PRKN: variants seen among roughly 807,000 people sequenced by gnomAD.
The protein encoded by PRKN is parkin RBR E3 ubiquitin protein ligase.
Under a neutral mutation model 59.5 loss-of-function variants are expected in PRKN, and 56 were observed. That is an observed-to-expected ratio of 0.94 (90% CI 0.76 to 1.18). PRKN has a LOEUF of 1.18. Among genes scored for constraint, PRKN ranks in the 50% most tolerant of loss-of-function variants. PRKN has a pLI of 0.00. For synonymous variants in PRKN, 250 were observed against 222.1 expected (o/e 1.13, Z -1.12); for missense variants, 657 against 596.4 (o/e 1.10, Z -1.06).
In PRKN at chr6:162,049,388, A is replaced by G. The variant is rs78629378; in HGVS notation, c.618+4703T>C. ...TATTTAGCTGCATTGTGAAAATGCA[A>G]TCCAGAAAAATGGTTTTAAGAGAGA... On this transcript the variant is annotated intron_variant, in intron 5 of 11. Coordinates refer to ENST00000366898, the MANE Select transcript of PRKN (RefSeq NM_004562.3). Among the ~76,000 whole-genome samples the G allele has an allele frequency of 1.8e-3, 279 of 152,280 alleles. 1 individual carries two copies. The highest frequency in any genetic ancestry group is 6.4e-3 in the African/African-American group (264 of 41,570).
At chr6:161,902,286 C>T (rs147958693) in intron 6 of PRKN, among the ~76,000 whole-genome samples, 25 of 152,240 alleles carry the variant, frequency 1.6e-4, no homozygotes, top group African/African-American at 5.8e-4. Context: ...CGTCACCAGG[C>T]TGCAGAGGCT....
chr6:162,150,005 C>T (rs565214587), intron 4 of PRKN, among the ~76,000 whole-genome samples: 8 of 152,214 alleles, frequency 5.3e-5, no homozygotes, highest in Admixed American at 3.3e-4. Context: ...CCTCTAAATC[C>T]CCAACCTAGA....
intron 5 of PRKN, among the ~76,000 whole-genome samples, chr6:162,025,543 C>A (rs1377821536): frequency 7.3e-6 from 1 of 136,532 alleles, no homozygotes; most frequent in East Asian, 2.3e-4. Flanking sequence ...GAAACCTTGT[C>A]AGTGAATTCT....
chr6:162,505,350 A>G (rs569467309), intron 1 of PRKN, among the ~76,000 whole-genome samples: 2 of 152,330 alleles, frequency 1.3e-5, no homozygotes, highest in Admixed American at 6.5e-5. Context: ...AAGGCATGGC[A>G]TGCCCCTATT....
chr6:162,460,597 C>A (rs893973916), intron 1 of PRKN, among the ~76,000 whole-genome samples: 1 of 152,158 alleles, frequency 6.6e-6, no homozygotes, highest in East Asian at 1.9e-4. Context: ...TCTGTATACC[C>A]ATCACTTATT....
At chr6:161,991,087 T>C (rs1781628607) in intron 5 of PRKN, among the ~76,000 whole-genome samples, 1 of 151,990 alleles carries the variant, frequency 6.6e-6, no homozygotes, top group African/African-American at 2.4e-5. Context: ...CAAGAGAGAA[T>C]AGGATGATAT....
chr6:161,614,882 C>T (rs758982657), intron 7 of PRKN, among the ~76,000 whole-genome samples: 2 of 152,124 alleles, frequency 1.3e-5, no homozygotes, highest in African/African-American at 2.4e-5. Flanking sequence ...GATACTGAAG[C>T]TGACCTCCCA....
At chr6:162,070,738 A>C (rs1278932681) in intron 4 of PRKN, among the ~76,000 whole-genome samples, 1 of 152,144 alleles carries the variant, frequency 6.6e-6, no homozygotes, top group East Asian at 1.9e-4. Context: ...GATCCCCCAC[A>C]TGCACAGTTC....
At chr6:162,434,473 T>C (rs1157445405) in intron 2 of PRKN, among the ~76,000 whole-genome samples, 1 of 152,176 alleles carries the variant, frequency 6.6e-6, no homozygotes, top group Non-Finnish European at 1.5e-5. Context: ...AAATTGTTTA[T>C]GATAATTTTA....
intron 4 of PRKN, among the ~76,000 whole-genome samples, chr6:162,106,198 T>C (rs1364955723): frequency 6.6e-6 from 1 of 152,150 alleles, no homozygotes; most frequent in Non-Finnish European, 1.5e-5. Flanking sequence ...AGATTAACAA[T>C]GGGAACAGGC....
chr6:161,620,607 C>G lies in PRKN; in HGVS notation c.872-51191G>C, dbSNP rs114925423. Among the ~76,000 whole-genome samples, 731 of 152,172 alleles carry G rather than the reference C, an allele frequency of 4.8e-3. 8 individuals are homozygous for G. Among genetic ancestry groups the G allele is most frequent in the African/African-American group, 0.017 (701 of 41,502 alleles). ...TGTAGACAGGAACATCAGAGGAATC[C>G]GAATCTCCACTTTGCATCGACATTT... On this transcript the variant is annotated intron_variant, in intron 7 of 11. Coordinates refer to ENST00000366898, the MANE Select transcript of PRKN (RefSeq NM_004562.3).
intron 2 of PRKN, among the ~76,000 whole-genome samples, chr6:162,314,345 T>C (rs1257968372): frequency 6.6e-6 from 1 of 152,156 alleles, no homozygotes; most frequent in African/African-American, 2.4e-5. Flanking sequence ...GTAAAACACA[T>C]CAATTATATT....
At chr6:162,290,949 G>C (rs1001619871) in intron 2 of PRKN, among the ~76,000 whole-genome samples, 6 of 152,200 alleles carry the variant, frequency 3.9e-5, no homozygotes, top group Non-Finnish European at 8.8e-5. Context: ...CTGGTAGAAA[G>C]AGCATTCATG....
In PRKN at chr6:161,584,905, T is replaced by G. The variant is rs1289963572; in HGVS notation, c.872-15489A>C. 6.6e-6 allele frequency among the ~76,000 whole-genome samples: 1 copy of G among 152,210 alleles called. No individual in the cohort carries two copies. On this transcript the variant is annotated intron_variant, in intron 7 of 11. Coordinates refer to ENST00000366898, the MANE Select transcript of PRKN (RefSeq NM_004562.3). The surrounding 1 kb of genome is among the most constrained non-coding windows in gnomAD (Gnocchi z 4.8). ...GCACAAGCCTGGCTGCCGGGATGGC[T>G]GTATTAGCAATGCAGTGCTATTTCA...
At chr6:161,859,477 C>A (rs931733038) in intron 6 of PRKN, among the ~76,000 whole-genome samples, 1 of 151,566 alleles carries the variant, frequency 6.6e-6, no homozygotes, top group Non-Finnish European at 1.5e-5. Context: ...GTGGCGCATG[C>A]CTGTATGCCT....
At chr6:161,817,254 A>G (rs1025711512) in intron 6 of PRKN, among the ~76,000 whole-genome samples, 6 of 152,236 alleles carry the variant, frequency 3.9e-5, no homozygotes, top group African/African-American at 1.4e-4. Context: ...AACTCTGGGC[A>G]TGAATCCTGT....
intron 4 of PRKN, among the ~76,000 whole-genome samples, chr6:162,113,315 A>C (rs1780521655): frequency 6.6e-6 from 1 of 152,234 alleles, no homozygotes; most frequent in African/African-American, 2.4e-5. Flanking sequence ...ATTATTCAAC[A>C]AATTATGAAT....
At chr6:162,598,464 T>C (rs1781570591) in intron 1 of PRKN, among the ~76,000 whole-genome samples, 1 of 152,164 alleles carries the variant, frequency 6.6e-6, no homozygotes, top group African/African-American at 2.4e-5. Flanking sequence ...AGAGGAGCTT[T>C]TGGAAGATGA....
At chr6:161,453,076 C>A (rs1355555637) in intron 9 of PRKN, among the ~76,000 whole-genome samples, 3 of 152,104 alleles carry the variant, frequency 2.0e-5, no homozygotes, top group African/African-American at 7.2e-5. Context: ...TCTCTCATAG[C>A]CATTTTTGAT....
Sources: gnomAD v4.1 joint callset for allele counts (sites outside exome capture counted in the v4.1 genomes callset) on GRCh38, gnomAD v4.1.1 for gene constraint, Gnocchi (gnomAD v3.1) non-coding constraint, MANE v1.5 for transcripts, NCBI Gene and HGNC (gene_info 2026-07-23, HGNC 2026-07-21) for gene names.